SEMA3A: variants seen among roughly 807,000 people sequenced by gnomAD.
The protein encoded by SEMA3A is semaphorin 3A.
Under a neutral mutation model 97.9 loss-of-function variants are expected in SEMA3A, and 29 were observed. The ratio of observed to expected loss-of-function variants is 0.30; its 90% CI spans 0.22 to 0.40. The LOEUF (loss-of-function observed/expected upper bound fraction) is 0.40, where lower values mean the gene tolerates loss of function less well. SEMA3A is among the 10% of genes least tolerant of loss of function. The pLI is 1.00. For synonymous variants in SEMA3A, 321 were observed against 323.7 expected, an observed-to-expected ratio of 0.99 and a Z score of 0.09; for missense variants, 763 against 951.3, an observed-to-expected ratio of 0.80 and a Z score of 2.60.
rs543796738 is a variant in SEMA3A, at chr7:84,420,586, T to G, written c.-245-48686A>C. 3.9e-5 allele frequency among the ~76,000 whole-genome samples: 6 copies of G among 152,044 alleles called. No individual in the cohort carries two copies. In the South Asian group the frequency reaches 1.2e-3, roughly 32 times the overall value. On this transcript the variant is annotated intron_variant, in intron 1 of 3. Coordinates refer to the SEMA3A transcript ENST00000424555. ...TATGAAGAATAATGGCAAAAACTTT[T>G]CTTATTTGATAAAAAACGTAAATCT...
chr7:84,016,788 T>C (rs1403669254), intron 6 of SEMA3A, among the ~76,000 whole-genome samples: 1 of 152,138 alleles, frequency 6.6e-6, no homozygotes, highest in Non-Finnish European at 1.5e-5. Flanking sequence ...TGTTAACAAA[T>C]ATACTATATT....
intron 1 of SEMA3A, among the ~76,000 whole-genome samples, chr7:84,144,500 GAA>G (rs1307679299): frequency 6.6e-6 from 1 of 151,916 alleles, no homozygotes; most frequent in African/African-American, 2.4e-5. Flanking sequence ...TCTACAGATC[GAA>G]AAGTCTCTTA....
At chr7:84,165,355 T>C (rs185446471) in intron 1 of SEMA3A, among the ~76,000 whole-genome samples, 226 of 152,290 alleles carry the variant, frequency 1.5e-3, no homozygotes, top group African/African-American at 5.2e-3. Context: ...TTTTTAGAAA[T>C]AGCTAAATTA....
chr7:84,175,999 G>A (rs1310462255), intron 1 of SEMA3A, among the ~76,000 whole-genome samples: 1 of 152,044 alleles, frequency 6.6e-6, no homozygotes, highest in African/African-American at 2.4e-5. Context: ...CACTTTATTT[G>A]ACATGGGAAA....
intron 1 of SEMA3A, among the ~76,000 whole-genome samples, chr7:84,430,824 T>TG (rs530881028): frequency 4.0e-5 from 6 of 151,358 alleles, no homozygotes; most frequent in Non-Finnish European, 8.9e-5. Context: ...TGTGTGTGTA[T>TG]TTAGATTATA....
At chr7:84,283,334 G>A (rs1054540260) in intron 3 of SEMA3A, among the ~76,000 whole-genome samples, 9 of 152,042 alleles carry the variant, frequency 5.9e-5, no homozygotes, top group African/African-American at 1.9e-4. Flanking sequence ...AACTTCTAAA[G>A]TAATGTATCA....
At chr7:84,183,748 C>T (rs1797798387) in intron 1 of SEMA3A, among the ~76,000 whole-genome samples, 1 of 152,030 alleles carries the variant, frequency 6.6e-6, no homozygotes, top group African/African-American at 2.4e-5. Flanking sequence ...TATAAAAACG[C>T]AATAACTCTG....
At chr7:84,221,864 T>C (rs1240577990) in intron 3 of SEMA3A, among the ~76,000 whole-genome samples, 1 of 152,022 alleles carries the variant, frequency 6.6e-6, no homozygotes, top group African/African-American at 2.4e-5. Flanking sequence ...GATACAGACA[T>C]GAAGAGAGCA....
chr7:84,484,582 T>A (rs924350155), intron 1 of SEMA3A, among the ~76,000 whole-genome samples: 1 of 151,950 alleles, frequency 6.6e-6, no homozygotes. Flanking sequence ...GAGAGCAAGT[T>A]TTTATCACAT....
chr7:84,187,478 A>G (rs1278557721), intron 1 of SEMA3A, among the ~76,000 whole-genome samples: 1 of 152,022 alleles, frequency 6.6e-6, no homozygotes, highest in African/African-American at 2.4e-5. Flanking sequence ...TATGTTTCCT[A>G]TCTCTTAGCT....
chr7:84,046,289 T>C (rs1792345059), intron 6 of SEMA3A, 35 bp downstream of exon 6: 3 of 1,608,236 alleles, frequency 1.9e-6, no homozygotes, highest in East Asian at 2.2e-5. Context: ...CAGTTACACA[T>C]GTTACATGTC....
At chr7:84,477,400 C>T (rs561751477) in intron 1 of SEMA3A, among the ~76,000 whole-genome samples, 1 of 133,290 alleles carries the variant, frequency 7.5e-6, no homozygotes, top group East Asian at 2.5e-4. Flanking sequence ...GATCACAATG[C>T]TGCACTCCAG....
intron 2 of SEMA3A, among the ~76,000 whole-genome samples, chr7:84,130,074 T>C (rs1005008452): frequency 1.3e-5 from 2 of 152,068 alleles, no homozygotes; most frequent in African/African-American, 2.4e-5. Flanking sequence ...CCTATCTGTA[T>C]AGGGGCAGAA....
chr7:84,280,603 G>A (rs1800418171), intron 3 of SEMA3A, among the ~76,000 whole-genome samples: 1 of 151,966 alleles, frequency 6.6e-6, no homozygotes, highest in African/African-American at 2.4e-5. Flanking sequence ...GGCCAACATG[G>A]TGAAACCACA....
chr7:84,031,179 G>T (rs1791737005), intron 6 of SEMA3A, among the ~76,000 whole-genome samples: 1 of 151,704 alleles, frequency 6.6e-6, no homozygotes, highest in Admixed American at 6.6e-5. Flanking sequence ...TTCTAGTAGA[G>T]ACAGGGTTTC....
intron 1 of SEMA3A, among the ~76,000 whole-genome samples, chr7:84,435,114 T>G (rs975727511): frequency 6.6e-6 from 1 of 152,146 alleles, no homozygotes; most frequent in African/African-American, 2.4e-5. Context: ...CCCTAAACAC[T>G]CTGCCAAAAG....
chr7:83,960,740 A>C lies in SEMA3A; in HGVS notation c.*631T>G, dbSNP rs1788431366. ...ACATTTAAATTATAGTTTTAATAAA[A>C]TACATCTTTAGATCAAAGCTGAAAG... On this transcript the variant is annotated 3_prime_UTR_variant, in exon 17 of 17. Transcript: ENST00000265362. The C allele has an allele frequency of 6.6e-6, 1 of 152,630 alleles. No homozygotes were observed. The highest frequency in any genetic ancestry group is 2.1e-4 in the South Asian group (1 of 4,832). The allele number at this position is 152,630 out of a possible 1,614,324, so 9.5% of individuals were successfully genotyped here. A position where few individuals can be genotyped will look rare whatever the true frequency, so the allele number is the denominator to read the frequency against.
At chr7:84,211,296 A>G (rs1798618510) in intron 3 of SEMA3A, among the ~76,000 whole-genome samples, 1 of 152,172 alleles carries the variant, frequency 6.6e-6, no homozygotes, top group South Asian at 2.1e-4. Flanking sequence ...CGTAAAGAGG[A>G]GGATAAAGAA....
chr7:84,059,782 G>GA (rs1793141213), intron 5 of SEMA3A, among the ~76,000 whole-genome samples: 1 of 151,426 alleles, frequency 6.6e-6, no homozygotes. Context: ...AAAAAGAAAG[G>GA]AAAAAATGAT....
Sources: allele counts gnomAD v4.1 joint callset (sites outside exome capture counted in the v4.1 genomes callset), GRCh38; gene constraint gnomAD v4.1.1; transcripts MANE v1.5; gene names NCBI Gene and HGNC (gene_info 2026-07-23, HGNC 2026-07-21).